Variants in BMPR1B observed in about 807,000 individuals in gnomAD.
BMPR1B encodes bone morphogenetic protein receptor type-1B.
A neutral mutation model predicts 59.1 loss-of-function variants in BMPR1B; 12 were observed. The observed-to-expected ratio is 0.20, with a 90% CI of 0.13 to 0.33. The LOEUF (loss-of-function observed/expected upper bound fraction) is 0.33. Ranked by LOEUF, BMPR1B falls within the 10% of genes least tolerant of loss-of-function variation. BMPR1B has a pLI of 1.00. For missense variants in BMPR1B, 550 were observed against 610.9 expected (o/e 0.90, Z 1.05); for synonymous variants, 237 against 207.3 (o/e 1.14, Z -1.23).
At chr4:95,090,869 T>C (rs1422594967) in intron 3 of BMPR1B, among the ~76,000 whole-genome samples, 1 of 152,100 alleles carries the variant, frequency 6.6e-6, no homozygotes, top group East Asian at 1.9e-4. Context: ...AGTCAAATGA[T>C]ATGGTAGATT....
intron 2 of BMPR1B, among the ~76,000 whole-genome samples, chr4:94,913,849 A>G (rs996624410): frequency 2.0e-5 from 3 of 152,158 alleles, no homozygotes; most frequent in Non-Finnish European, 2.9e-5. Context: ...ATGTGTGGCT[A>G]TTGAGCTTTT....
chr4:95,061,743 A>G (rs1727414300), intron 3 of BMPR1B, among the ~76,000 whole-genome samples: 1 of 152,124 alleles, frequency 6.6e-6, no homozygotes, highest in South Asian at 2.1e-4. Context: ...TGGCCTTAGG[A>G]TTGTTGTTTA....
At position 95,152,680 on chromosome 4, in the gene BMPR1B, A is replaced by C. The variant is rs1372985233; in HGVS notation, c.1290A>C (p.Leu430=). The C allele has an allele frequency of 1.3e-6, 2 of 1,583,734 alleles. No individual in the cohort carries two copies. Among genetic ancestry groups the C allele is most frequent in the Non-Finnish European group, 8.6e-7 (1 of 1,164,170 alleles). The change falls in exon 12 of 13, where the codon CTA becomes CTC. Residue 430 remains leucine, a synonymous_variant. Transcript: ENST00000515059. Reference sequence around the variant, plus strand: ...AATACCAGCTTCCTTATCATGACCTAGTGCCCAGTGACCCCTCTTATGAGG... The same window carrying C: ...AATACCAGCTTCCTTATCATGACCTCGTGCCCAGTGACCCCTCTTATGAGG... The part of the protein sequence containing the change: ...VEEYQLPYHD[L]VPSDPSYEDM...
intron 3 of BMPR1B, among the ~76,000 whole-genome samples, chr4:95,015,874 G>A (rs1723550361): frequency 6.6e-6 from 1 of 152,146 alleles, no homozygotes. Flanking sequence ...TGTATTTTTA[G>A]TGGAGACGGG....
chr4:94,819,996 C>G (rs1434737659), intron 1 of BMPR1B, among the ~76,000 whole-genome samples: 1 of 152,072 alleles, frequency 6.6e-6, no homozygotes, highest in Non-Finnish European at 1.5e-5. Context: ...TCTTCTTAGC[C>G]CTATCCAGCT....
chr4:94,975,437 C>T (rs1248465585), intron 2 of BMPR1B, among the ~76,000 whole-genome samples: 3 of 140,808 alleles, frequency 2.1e-5, no homozygotes, highest in Non-Finnish European at 4.5e-5. Context: ...AGTCACGACT[C>T]ACTGCAGCCT....
intron 1 of BMPR1B, among the ~76,000 whole-genome samples, chr4:94,804,474 A>G (rs1723532794): frequency 1.3e-5 from 2 of 152,178 alleles, no homozygotes. Flanking sequence ...ATAGTTTTTA[A>G]CTATGGCTGT....
chr4:94,958,474 CTACCCT>C (rs1212305018), intron 2 of BMPR1B, among the ~76,000 whole-genome samples: 1 of 152,146 alleles, frequency 6.6e-6, no homozygotes, highest in Non-Finnish European at 1.5e-5. Context: ...TTTCATTTGG[CTACCCT>C]TTGCTGCTTC....
At position 94,986,957 on chromosome 4, in the gene BMPR1B, C is replaced by T. The variant is rs1045506661; in HGVS notation, c.-112-9083C>T. 1.2e-4 allele frequency among the ~76,000 whole-genome samples: 18 copies of T among 150,626 alleles called. 1 individual carries two copies. The highest frequency in any genetic ancestry group is 8.6e-4 in the Admixed American group (13 of 15,050). On this transcript the variant is annotated intron_variant, in intron 2 of 12. Transcript: ENST00000515059. ...TCGGGAGGCTGAGGCAGGAGAATGG[C>T]GTGAACCCAGGAGGCGGAGCTTGCA... is the stretch of plus-strand genomic sequence containing the variant.
chr4:94,845,142 A>G (rs931597406), intron 1 of BMPR1B, among the ~76,000 whole-genome samples: 9 of 152,158 alleles, frequency 5.9e-5, no homozygotes, highest in African/African-American at 2.2e-4. Context: ...TATATCATAG[A>G]TGAAATATTT....
intron 1 of BMPR1B, among the ~76,000 whole-genome samples, chr4:94,765,847 A>G (rs1721949437): frequency 1.3e-5 from 2 of 152,060 alleles, no homozygotes; most frequent in South Asian, 4.1e-4. Context: ...CCCAAGAGGG[A>G]TCTTATGGAT....
At chr4:94,836,907 C>G (rs1224229430) in intron 1 of BMPR1B, among the ~76,000 whole-genome samples, 1 of 149,836 alleles carries the variant, frequency 6.7e-6, no homozygotes, top group Non-Finnish European at 1.5e-5. Context: ...ACGTTTAAAT[C>G]TTTAATCCAT....
intron 1 of BMPR1B, among the ~76,000 whole-genome samples, chr4:94,759,746 C>A (rs1168863026): frequency 6.6e-6 from 1 of 152,150 alleles, no homozygotes; most frequent in Admixed American, 6.5e-5. Context: ...GGAAAACTTT[C>A]ATTATAAGGA....
At chr4:95,074,969 A>G (rs1728595188) in intron 3 of BMPR1B, among the ~76,000 whole-genome samples, 1 of 152,086 alleles carries the variant, frequency 6.6e-6, no homozygotes, top group Non-Finnish European at 1.5e-5. Flanking sequence ...TTTTTTCATG[A>G]GGCTTAACAT....
intron 3 of BMPR1B, chr4:95,051,543 G>A: frequency 3.1e-6 from 2 of 651,148 alleles, no homozygotes; most frequent in Non-Finnish European, 5.3e-6. Flanking sequence ...GAACCAGTTT[G>A]TAACAGGCTT....
chr4:94,919,388 G>T (rs1728605502), intron 2 of BMPR1B, among the ~76,000 whole-genome samples: 1 of 152,074 alleles, frequency 6.6e-6, no homozygotes, highest in South Asian at 2.1e-4. Context: ...ATCCAACATG[G>T]ATGCTCTTGT....
chr4:95,047,052 A>T (rs1211803469), intron 3 of BMPR1B, among the ~76,000 whole-genome samples: 1 of 152,186 alleles, frequency 6.6e-6, no homozygotes, highest in Non-Finnish European at 1.5e-5. Context: ...CTCATTTTTT[A>T]AAATAAACTT....
At chr4:94,860,857 C>T (rs1056190049) in intron 1 of BMPR1B, among the ~76,000 whole-genome samples, 1 of 150,156 alleles carries the variant, frequency 6.7e-6, no homozygotes. Flanking sequence ...TTCTCTTTCA[C>T]GAGATCCCAT....
At chr4:95,057,943 T>A (rs1727052922) in intron 3 of BMPR1B, among the ~76,000 whole-genome samples, 1 of 152,180 alleles carries the variant, frequency 6.6e-6, no homozygotes, top group African/African-American at 2.4e-5. Flanking sequence ...CCTACAGAAT[T>A]ATCTGAAGAG....
Sources: allele counts gnomAD v4.1 joint callset (sites outside exome capture counted in the v4.1 genomes callset), GRCh38; gene constraint gnomAD v4.1.1; transcripts MANE v1.5; gene names NCBI Gene and HGNC (gene_info 2026-07-23, HGNC 2026-07-21).